BACH2: variants seen among roughly 807,000 people sequenced by gnomAD.
BACH2 encodes transcription regulator protein BACH2.
A neutral mutation model predicts 61.8 loss-of-function variants in BACH2; 5 were observed. The observed-to-expected ratio is 0.08, with a 90% CI of 0.04 to 0.17. The LOEUF (loss-of-function observed/expected upper bound fraction) is 0.17. Ranked by LOEUF, BACH2 falls within the 10% of genes least tolerant of loss-of-function variation. BACH2 has a pLI of 1.00. For missense variants in BACH2, 824 were observed against 1,091.1 expected, an observed-to-expected ratio of 0.76 and a Z score of 3.45; for synonymous variants, 446 against 440.1, an observed-to-expected ratio of 1.01 and a Z score of -0.17.
rs1200276696 is a variant in BACH2 at position 89,951,516 on chromosome 6, A to T, written c.590T>A (p.Ile197Asn). Reference protein sequence around the residue: ...PEPISFEAAAIPVAEKEEALL... With the variant: ...PEPISFEAAANPVAEKEEALL... ...GGCTTCTTCCTTCTCTGCTACGGGG[A>T]TGGCGGCGGCCTCAAAGCTGATGGG... Residue 197 changes from isoleucine to asparagine, a missense_variant, in exon 7 of 9, where the codon ATC (isoleucine) becomes AAC (asparagine). By Grantham distance (149) the Ile-to-Asn change is moderately radical (BLOSUM62 -3). Coordinates refer to ENST00000257749, the MANE Select transcript of BACH2 (RefSeq NM_021813.4). This position sits in a 1 kb window ranked among gnomAD's most constrained non-coding sequence, Gnocchi z 6.4. The T allele has an allele frequency of 1.7e-5, 28 of 1,613,968 alleles. No individual in the cohort carries two copies. The highest frequency in any genetic ancestry group is 2.4e-5 in the Non-Finnish European group (28 of 1,180,034).
At chr6:90,099,489 C>T (rs1000760126) in intron 4 of BACH2, among the ~76,000 whole-genome samples, 55 of 152,324 alleles carry the variant, frequency 3.6e-4, no homozygotes, top group East Asian at 1.3e-3. Flanking sequence ...AGCGATCCTC[C>T]GGCCTCAGCC....
At chr6:90,266,969 C>T (rs1771354939) in intron 2 of BACH2, among the ~76,000 whole-genome samples, 1 of 152,050 alleles carries the variant, frequency 6.6e-6, no homozygotes, top group South Asian at 2.1e-4. Context: ...TCTTGAATAA[C>T]GATATACACT....
intron 4 of BACH2, among the ~76,000 whole-genome samples, chr6:90,165,990 T>C (rs9344990): frequency 0.099 from 15,065 of 151,990 alleles, 1,084 homozygotes; most frequent in East Asian, 0.38. Flanking sequence ...ATTCAGGACA[T>C]AGGCATGGGC....
chr6:89,945,536 T>C (rs747566474), intron 7 of BACH2, among the ~76,000 whole-genome samples: 5 of 152,158 alleles, frequency 3.3e-5, no homozygotes, highest in Admixed American at 2.6e-4. Flanking sequence ...ACTGGTTGCC[T>C]GGGGCTGAGG....
rs1042336310 is a variant in BACH2, at chr6:89,927,118, T to C, written c.*5290A>G. On this transcript the variant is annotated 3_prime_UTR_variant, in exon 9 of 9. Transcript: ENST00000257749. ...TGCATCAGACTGGTTCTGGAACAAATTGTCAAATTGTCACAGGCTCTCTTG... is the reference window on the plus strand; with the variant it reads ...TGCATCAGACTGGTTCTGGAACAAACTGTCAAATTGTCACAGGCTCTCTTG... 2 of 152,732 alleles carry C rather than the reference T, an allele frequency of 1.3e-5. No homozygotes were observed. Among genetic ancestry groups the C allele is most frequent in the African/African-American group, 2.4e-5 (1 of 41,422 alleles). The allele number at this position is 152,732 out of a possible 1,614,324, so 9.5% of individuals were successfully genotyped here.
chr6:90,178,285 T>C (rs1443345040), intron 4 of BACH2, among the ~76,000 whole-genome samples: 2 of 152,202 alleles, frequency 1.3e-5, no homozygotes, highest in Non-Finnish European at 2.9e-5. Flanking sequence ...TTACCTAAGA[T>C]GACATTCTGT....
chr6:90,102,325 G>C (rs1237538831), intron 4 of BACH2, among the ~76,000 whole-genome samples: 1 of 152,004 alleles, frequency 6.6e-6, no homozygotes, highest in African/African-American at 2.4e-5. Flanking sequence ...CATAGAAGTG[G>C]TATTATAAAA....
At position 89,982,535 on chromosome 6, in the gene BACH2, A is replaced by G. The variant is rs185373994; in HGVS notation, c.243+26067T>C. ...CTGTTTTGGATGCAGATAGAATTTG[A>G]TAAGTTATTTTTCTTTTTCTGAAAG... On this transcript the variant is annotated intron_variant, in intron 6 of 8. Transcript: ENST00000257749. Among the ~76,000 whole-genome samples the G allele has an allele frequency of 1.0e-3, 159 of 152,274 alleles. 1 individual carries two copies. The highest frequency in any genetic ancestry group is 3.4e-3 in the Middle Eastern group (1 of 292).
At chr6:90,029,762 C>A (rs1199439049) in intron 5 of BACH2, among the ~76,000 whole-genome samples, 1 of 152,172 alleles carries the variant, frequency 6.6e-6, no homozygotes, top group African/African-American at 2.4e-5. Flanking sequence ...TCACACATAT[C>A]CCTACGCTCT....
intron 4 of BACH2, among the ~76,000 whole-genome samples, chr6:90,181,687 T>G (rs1768170926): frequency 6.6e-5 from 10 of 152,080 alleles, no homozygotes; most frequent in Admixed American, 6.6e-4. Context: ...GCTCAAGCAA[T>G]CCTCTAACCT....
intron 4 of BACH2, among the ~76,000 whole-genome samples, chr6:90,172,780 G>A (rs983445636): frequency 3.3e-5 from 5 of 152,018 alleles, no homozygotes; most frequent in Non-Finnish European, 5.9e-5. Flanking sequence ...GATGATCTGA[G>A]AAGAAGAAAT....
rs117029499 is a variant in BACH2 at position 90,151,146 on chromosome 6, G to T, written c.-162+55423C>A. Among the ~76,000 whole-genome samples, 682 of 152,228 alleles carry T rather than the reference G, an allele frequency of 4.5e-3. 3 individuals are homozygous for T. Among genetic ancestry groups the T allele is most frequent in the South Asian group, 0.011 (54 of 4,826 alleles). ...CACTTTTTGGCATTCTATCAGTTTG[G>T]AACAGTTTTATAACCCACACCATGG... On this transcript the variant is annotated intron_variant, in intron 4 of 8. Transcript: ENST00000257749.
At chr6:90,176,397 G>C (rs755114082) in intron 4 of BACH2, among the ~76,000 whole-genome samples, 4 of 152,122 alleles carry the variant, frequency 2.6e-5, no homozygotes. Flanking sequence ...GATAGCTGTG[G>C]AAAGTGCACA....
intron 5 of BACH2, among the ~76,000 whole-genome samples, chr6:90,033,865 G>C (rs1164398101): frequency 1.3e-5 from 2 of 152,126 alleles, no homozygotes; most frequent in Non-Finnish European, 2.9e-5. Flanking sequence ...TGGATTCAGA[G>C]CTTTTACTGG....
intron 4 of BACH2, among the ~76,000 whole-genome samples, chr6:90,147,566 T>A (rs1784666162): frequency 6.6e-6 from 1 of 152,128 alleles, no homozygotes; most frequent in African/African-American, 2.4e-5. Flanking sequence ...ACCCACCTAG[T>A]CTTCTTCTAA....
intron 3 of BACH2, among the ~76,000 whole-genome samples, chr6:90,217,353 T>C (rs1236542602): frequency 6.6e-6 from 1 of 152,090 alleles, no homozygotes; most frequent in Non-Finnish European, 1.5e-5. Context: ...AACTGCAAAA[T>C]GTTTCAACTT....
At chr6:89,939,898 C>T (rs1404541479) in intron 7 of BACH2, among the ~76,000 whole-genome samples, 1 of 145,688 alleles carries the variant, frequency 6.9e-6, no homozygotes, top group Non-Finnish European at 1.5e-5. Context: ...GATGAAGTCT[C>T]ACAATGTTGC....
At chr6:90,128,513 G>A (rs1267332843) in intron 4 of BACH2, among the ~76,000 whole-genome samples, 4 of 152,132 alleles carry the variant, frequency 2.6e-5, no homozygotes, top group Admixed American at 6.5e-5. Flanking sequence ...CCTGGGGGGC[G>A]GAGGTTGCAG....
chr6:90,035,773 T>C (rs1779232805), intron 5 of BACH2, among the ~76,000 whole-genome samples: 1 of 152,026 alleles, frequency 6.6e-6, no homozygotes, highest in Non-Finnish European at 1.5e-5. Context: ...TGATTGAATA[T>C]GCTCTTTTAA....
Sources: allele counts gnomAD v4.1 joint callset (sites outside exome capture counted in the v4.1 genomes callset), GRCh38; gene constraint gnomAD v4.1.1; non-coding constraint Gnocchi (gnomAD v3.1); transcripts MANE v1.5; gene names NCBI Gene and HGNC (gene_info 2026-07-23, HGNC 2026-07-21).